VAT1L: variants seen among roughly 807,000 people sequenced by gnomAD.
The protein encoded by VAT1L is putative NADPH-dependent quinone oxidoreductase VAT1L.
A neutral mutation model predicts 44.1 loss-of-function variants in VAT1L; 34 were observed. The ratio of observed to expected loss-of-function variants is 0.77; its 90% CI spans 0.59 to 1.03. VAT1L has a LOEUF of 1.03. Ranked by LOEUF, VAT1L falls within the 50% of genes least tolerant of loss-of-function variation. The probability of loss-of-function intolerance (pLI) is 0.00; values close to 1 mark genes in which losing one functional copy is unlikely to be tolerated. For missense variants in VAT1L, 615 were observed against 538.8 expected (o/e 1.14, Z -1.40); for synonymous variants, 253 against 202.2 (o/e 1.25, Z -2.13).
At chr16:77,887,544 G>A (rs956873646) in intron 7 of VAT1L, among the ~76,000 whole-genome samples, 16 of 152,138 alleles carry the variant, frequency 1.1e-4, no homozygotes, top group African/African-American at 3.1e-4. Context: ...GATGGTACAC[G>A]TGAGGCAGCA....
chr16:77,895,100 C>CCACACACAAA (rs1555517701), intron 7 of VAT1L, among the ~76,000 whole-genome samples: 2 of 145,254 alleles, frequency 1.4e-5, no homozygotes, highest in Middle Eastern at 3.4e-3. Flanking sequence ...AGCCACTTGC[C>CCACACACAAA]CACACACACA....
rs143110689 is a variant in VAT1L, at chr16:77,929,322, T to C, written c.1078-42528T>C. Among the ~76,000 whole-genome samples the C allele has an allele frequency of 3.8e-3, 578 of 152,264 alleles. 3 individuals carry two copies. Among genetic ancestry groups the C allele is most frequent in the African/African-American group, 0.013 (541 of 41,546 alleles). On this transcript the variant is annotated intron_variant, in intron 7 of 8. Coordinates refer to ENST00000302536, the MANE Select transcript of VAT1L (RefSeq NM_020927.3). Reference sequence around the variant, plus strand: ...GATCATTAGTGAAAGATTGGCAACATTTTCTCAACACTGGTAGAAAGAGGA... The same window carrying C: ...GATCATTAGTGAAAGATTGGCAACACTTTCTCAACACTGGTAGAAAGAGGA...
In VAT1L at chr16:77,788,792, G is replaced by C; in HGVS notation, c.110G>C (p.Gly37Ala). 6.4e-7 allele frequency: 1 copy of C among 1,568,688 alleles called. No individual in the cohort carries two copies. The change falls in exon 1 of 9, where the codon GGG becomes GCG. Residue 37 changes from glycine (G) to alanine (A), a missense_variant. Coordinates refer to ENST00000302536, the MANE Select transcript of VAT1L (RefSeq NM_020927.3). ...GGCGGCGACGGCTCGCACCGCCTCG[G>C]GGACGCCCAGGAGATGCGCGCGGTG... ...GGGGDGSHRL[G>A]DAQEMRAVVL...
chr16:77,800,069 T>C (rs1402239498), intron 1 of VAT1L: 1 of 152,228 alleles, frequency 6.6e-6, no homozygotes, highest in Non-Finnish European at 1.5e-5. Context: ...AAATCTCTCC[T>C]AAGGCCTCTC....
At chr16:77,809,090 G>A (rs532715816) in intron 1 of VAT1L, among the ~76,000 whole-genome samples, 11 of 152,328 alleles carry the variant, frequency 7.2e-5, no homozygotes, top group Admixed American at 5.2e-4. Context: ...TTAGTCAAGA[G>A]CACAGGCTCT....
intron 7 of VAT1L, among the ~76,000 whole-genome samples, chr16:77,946,279 C>CTTTTTTTTTTTTTT (rs66461822): frequency 0.014 from 1,012 of 70,390 alleles, 257 homozygotes; most frequent in East Asian, 0.043. Flanking sequence ...GTTACTTGTT[C>CTTTTTTTTTTTTTT]TTTTTTTTTT....
chr16:77,839,121 T>C (rs2145257730), intron 3 of VAT1L, among the ~76,000 whole-genome samples: 1 of 152,242 alleles, frequency 6.6e-6, no homozygotes, highest in Non-Finnish European at 1.5e-5. Context: ...CGTAAGTGCC[T>C]GGTCTAGAGG....
chr16:77,923,445 G>C (rs893454628), intron 7 of VAT1L, among the ~76,000 whole-genome samples: 4 of 152,192 alleles, frequency 2.6e-5, no homozygotes, highest in African/African-American at 9.7e-5. Flanking sequence ...GCAAGACTCT[G>C]TCATGGATGA....
chr16:77,908,384 A>T (rs2017461648), intron 7 of VAT1L, among the ~76,000 whole-genome samples: 1 of 145,196 alleles, frequency 6.9e-6, no homozygotes, highest in Non-Finnish European at 1.5e-5. Flanking sequence ...ATCTTGCTTG[A>T]ATTCAGGAGG....
Position 77,789,444 on chromosome 16 carries a change from C to T in VAT1L, c.233+529C>T, listed in dbSNP as rs117720070. On this transcript the variant is annotated intron_variant, in intron 1 of 8. Transcript: ENST00000302536. ...TGATTTGCCCAAGATCAGTCAGCTG[C>T]CACTAAGTGGCTTGGCCGGGAATTT... 2.2e-3 allele frequency among the ~76,000 whole-genome samples: 333 copies of T among 152,270 alleles called. 7 individuals carry two copies. The East Asian group carries it at 0.06, about 27-fold the overall frequency.
chr16:77,876,421 C>G lies in VAT1L; in HGVS notation c.774C>G (p.Asn258Lys), dbSNP rs1449450359. The G allele has an allele frequency of 2.5e-6, 4 of 1,614,054 alleles. No individual in the cohort carries two copies. Among genetic ancestry groups the G allele is most frequent in the Non-Finnish European group, 3.4e-6 (4 of 1,180,036 alleles). The change falls in exon 5 of 9, where the codon AAC becomes AAG. Residue 258 changes from asparagine (N) to lysine (K), a missense_variant. Coordinates refer to ENST00000302536, the MANE Select transcript of VAT1L (RefSeq NM_020927.3). ...DIVLDCLCGDNTGKGLSLLKP... is the reference protein window; with the variant it reads ...DIVLDCLCGDKTGKGLSLLKP... Reference sequence around the variant, plus strand: ...TTTTGGATTGCCTCTGTGGGGACAACACTGGAAAAGGTCTCAGTCTTCTCA... The same window carrying G: ...TTTTGGATTGCCTCTGTGGGGACAAGACTGGAAAAGGTCTCAGTCTTCTCA...
chr16:77,793,031 A>T (rs144481281), intron 1 of VAT1L, among the ~76,000 whole-genome samples: 164 of 152,338 alleles, frequency 1.1e-3, no homozygotes, highest in African/African-American at 3.7e-3. Flanking sequence ...AGGCATAGCA[A>T]GTAGTCAAAA....
chr16:77,973,702 C>G (rs1335644591), intron 8 of VAT1L, among the ~76,000 whole-genome samples: 1 of 150,220 alleles, frequency 6.7e-6, no homozygotes, highest in East Asian at 2.0e-4. Context: ...ACTAAAATTT[C>G]TTGCATATTG....
chr16:77,909,280 T>C (rs186873839), intron 7 of VAT1L, among the ~76,000 whole-genome samples: 18 of 152,338 alleles, frequency 1.2e-4, no homozygotes, highest in Non-Finnish European at 2.1e-4. Flanking sequence ...TCATAAGCTA[T>C]ATATTTCTTC....
intron 1 of VAT1L, among the ~76,000 whole-genome samples, chr16:77,808,120 G>A (rs28628007): frequency 0.017 from 2,586 of 152,050 alleles, 74 homozygotes; most frequent in African/African-American, 0.057. Context: ...GTGAAGCTTC[G>A]TCTCTATTTA....
At chr16:77,886,658 G>C (rs2017212683) in intron 7 of VAT1L, among the ~76,000 whole-genome samples, 1 of 152,232 alleles carries the variant, frequency 6.6e-6, no homozygotes, top group Non-Finnish European at 1.5e-5. Flanking sequence ...ACTTCATGGA[G>C]TTTTCATTCA....
chr16:77,814,301 G>A (rs899064058), intron 1 of VAT1L, among the ~76,000 whole-genome samples: 1 of 152,138 alleles, frequency 6.6e-6, no homozygotes, highest in African/African-American at 2.4e-5. Context: ...AAACAATACT[G>A]ACCTGTCCTA....
At chr16:77,790,612 T>C (rs2145200650) in intron 1 of VAT1L, among the ~76,000 whole-genome samples, 1 of 152,288 alleles carries the variant, frequency 6.6e-6, no homozygotes, top group African/African-American at 2.4e-5. Flanking sequence ...ATTACCTGTA[T>C]ACACACACCT....
intron 7 of VAT1L, among the ~76,000 whole-genome samples, chr16:77,916,161 C>A (rs2017550023): frequency 6.6e-6 from 1 of 152,066 alleles, no homozygotes; most frequent in Non-Finnish European, 1.5e-5. Context: ...CGAAAGGGGG[C>A]CAAGGGCAGG....
Sources: allele counts gnomAD v4.1 joint callset (sites outside exome capture counted in the v4.1 genomes callset), GRCh38; gene constraint gnomAD v4.1.1; transcripts MANE v1.5; gene names NCBI Gene and HGNC (gene_info 2026-07-23, HGNC 2026-07-21).